NR2E3: variants seen among roughly 807,000 people sequenced by gnomAD.
The protein encoded by NR2E3 is photoreceptor-specific nuclear receptor.
Under a neutral mutation model 37.6 loss-of-function variants are expected in NR2E3, and 38 were observed. The ratio of observed to expected loss-of-function variants is 1.01; its 90% CI spans 0.78 to 1.33. The LOEUF (loss-of-function observed/expected upper bound fraction) is 1.33. Among genes scored for constraint, NR2E3 ranks in the 40% most tolerant of loss-of-function variants. The pLI, the probability that NR2E3 is intolerant of heterozygous loss-of-function variation, is 0.00. For synonymous variants in NR2E3, 235 were observed against 225.1 expected (o/e 1.04, Z -0.39); for missense variants, 562 against 558.7 (o/e 1.01, Z -0.06).
In NR2E3 at chr15:71,813,181, G is replaced by A. The variant is rs2054199792; in HGVS notation, c.748-208G>A. Reference sequence around the variant, plus strand: ...CCTAAATGTCCCAGCTGCAGCTCTGGATGGAACCCAGTGTCTCAGATGATA... The same window carrying A: ...CCTAAATGTCCCAGCTGCAGCTCTGAATGGAACCCAGTGTCTCAGATGATA... On this transcript the variant is annotated intron_variant, in intron 5 of 7. Transcript: ENST00000617575. This position sits in a 1 kb window ranked among gnomAD's most constrained non-coding sequence, Gnocchi z 4.7. Among the ~76,000 whole-genome samples, 1 of 152,216 alleles carries A rather than the reference G, an allele frequency of 6.6e-6. No homozygotes were observed. Among genetic ancestry groups the A allele is most frequent in the Non-Finnish European group, 1.5e-5 (1 of 68,040 alleles).
rs368627488 is a variant in NR2E3, at chr15:71,811,497, C to T, written c.133C>T (p.Leu45Phe). 1.5e-5 allele frequency: 23 copies of T among 1,560,680 alleles called. No individual in the cohort carries two copies. The African/African-American group carries it at 2.7e-4, about 18-fold the overall frequency. ...CTGCCCCTCAGGCGTGAGCCCCTCG[C>T]TCCAGTGCCGCGTGTGCGGAGACAG... ...GEDPTGVSPS[L>F]QCRVCGDSSS... Residue 45 changes from leucine (L) to phenylalanine (F), a missense_variant, in exon 2 of 8, where the codon CTC becomes TTC. Transcript: ENST00000617575. This position sits in a 1 kb window ranked among gnomAD's most constrained non-coding sequence, Gnocchi z 5.6.
At position 71,813,312 on chromosome 15, in the gene NR2E3, G is replaced by A. The variant is rs1184322577; in HGVS notation, c.748-77G>A. ...CAGCACTTCCATTCCTTGGGTGCCT[G>A]AGATGGTGGCAGAGGCTCCAGACTG... On this transcript the variant is annotated intron_variant, in intron 5 of 7. Transcript: ENST00000617575. This position sits in a 1 kb window ranked among gnomAD's most constrained non-coding sequence, Gnocchi z 4.7. 1.9e-6 allele frequency: 3 copies of A among 1,550,904 alleles called. No individual in the cohort carries two copies. Among genetic ancestry groups the A allele is most frequent in the Admixed American group, 3.8e-5 (2 of 52,460 alleles).
Position 71,812,524 on chromosome 15 carries a change from C to T in NR2E3, c.747+13C>T, listed in dbSNP as rs1467638693. 1 of 1,595,380 alleles carries T rather than the reference C, an allele frequency of 6.3e-7. No individual in the cohort carries two copies. ...CTTCCGGGATCAGGTACCTACCGGCCTGCCTGCTGGGGAGCTAGGCTGGGC... is the reference window on the plus strand; with the variant it reads ...CTTCCGGGATCAGGTACCTACCGGCTTGCCTGCTGGGGAGCTAGGCTGGGC... On this transcript the variant is annotated intron_variant, in intron 5 of 7. Transcript: ENST00000617575.
At position 71,817,575 on chromosome 15, in the gene NR2E3, T is replaced by C; in HGVS notation, c.1124T>C (p.Leu375Pro). ...AGGTTTGGGAAATTGCTCCTGCTCC[T>C]CCCGTCTTTGAGGTTTATCACTGCG... is the stretch of plus-strand genomic sequence containing the variant. ...PVRFGKLLLLLPSLRFITAER... is the reference protein window; with the variant it reads ...PVRFGKLLLLPPSLRFITAER... Residue 375 changes from leucine (L) to proline (P), a missense_variant, in exon 8 of 8, where the codon CTC becomes CCC. Leu to Pro is a moderately conservative substitution (Grantham distance 98). Transcript: ENST00000617575. 6.3e-7 allele frequency: 1 copy of C among 1,599,940 alleles called. No homozygotes were observed. The highest frequency in any genetic ancestry group is 8.6e-7 in the Non-Finnish European group (1 of 1,168,516).
At chr15:71,814,861 C>T in intron 7 of NR2E3, 2 of 985,476 alleles carry the variant, frequency 2.0e-6, no homozygotes, top group Non-Finnish European at 2.4e-6. Context: ...AAGGGAGACT[C>T]TAGGAGTTGA....
In NR2E3 at chr15:71,812,409, C is replaced by T. The variant is rs375133059; in HGVS notation, c.645C>T (p.Cys215=). ...CTCCATACTCCTCTTCCTCCCCCTG[C>T]GGCCTGGACAGCATCCATGAGACCT... is the stretch of plus-strand genomic sequence containing the variant. ...PSSPYSSSSP[C]GLDSIHETSA... is the part of the protein sequence containing the mutation. The change falls in exon 5 of 8, where the codon TGC becomes TGT. Residue 215 remains cysteine (C), a synonymous_variant. Transcript: ENST00000617575. 1.1e-4 allele frequency: 180 copies of T among 1,613,876 alleles called. No individual in the cohort carries two copies. Among genetic ancestry groups the T allele is most frequent in the Middle Eastern group, 1.6e-4 (1 of 6,084 alleles).
intron 7 of NR2E3, among the ~76,000 whole-genome samples, chr15:71,816,880 TAAGTC>T (rs562785049): frequency 5.4e-4 from 82 of 152,296 alleles, no homozygotes; most frequent in African/African-American, 1.8e-3. Flanking sequence ...TAACCCATCT[TAAGTC>T]AAGGAGCATA....
rs1049248530 is a variant in NR2E3 at position 71,817,647 on chromosome 15, C to T, written c.1196C>T (p.Pro399Leu). The T allele has an allele frequency of 9.3e-6, 15 of 1,607,642 alleles. No individual in the cohort carries two copies. Among genetic ancestry groups the T allele is most frequent in the Non-Finnish European group, 1.2e-5 (14 of 1,174,656 alleles). ...LFFRKTIGNT[P>L]MEKLLCDMFK... is the part of the protein sequence containing the mutation. The stretch of plus-strand genomic sequence containing the variant: ...TTCCGCAAGACCATAGGGAATACTC[C>T]AATGGAGAAGCTCCTTTGTGATATG... The change falls in exon 8 of 8, where the codon CCA (proline) becomes CTA (leucine). Residue 399 changes from proline to leucine, a missense_variant. Coordinates refer to ENST00000617575, the MANE Select transcript of NR2E3 (RefSeq NM_014249.4).
chr15:71,810,790 C>T lies in NR2E3; in HGVS notation c.47C>T (p.Ala16Val), dbSNP rs1239436868. ...CTGATGAGCTCCACAGTGGCTGCAG[C>T]TGCGCCTGCAGCTGGGGCTGCCTCC... Reference protein sequence around the residue: ...TALMSSTVAAAAPAAGAASRK... With the variant: ...TALMSSTVAAVAPAAGAASRK... Residue 16 changes from alanine to valine, a missense_variant, in exon 1 of 8, where the codon GCT becomes GTT. Coordinates refer to ENST00000617575, the MANE Select transcript of NR2E3 (RefSeq NM_014249.4). 10 of 1,576,442 alleles carry T rather than the reference C, an allele frequency of 6.3e-6. No homozygotes were observed. In the South Asian group the frequency reaches 1.0e-4, roughly 17 times the overall value.
Position 71,811,341 on chromosome 15 carries a change from TG to T in NR2E3, c.119-140del, listed in dbSNP as rs773125638. On this transcript the variant is annotated intron_variant, in intron 1 of 7. Coordinates refer to ENST00000617575, the MANE Select transcript of NR2E3 (RefSeq NM_014249.4). The surrounding 1 kb of genome is among the most constrained non-coding windows in gnomAD (Gnocchi z 5.6). ...ACAGTGAGGGAGACACTTCTCCAGA[TG>T]GAAGAGTCACGCGTGGGTTCGTTCA... 698 of 705,600 alleles carry T rather than the reference TG, an allele frequency of 9.9e-4. 6 individuals are homozygous for T. The highest frequency in any genetic ancestry group is 4.0e-4 in the Non-Finnish European group (168 of 424,266). 43.7% of individuals were successfully genotyped at this position (705,600 alleles called of 1,614,324 possible). A position where few individuals can be genotyped will look rare whatever the true frequency, so the allele number is the denominator to read the frequency against.
chr15:71,814,996 T>G, intron 7 of NR2E3: 2 of 773,482 alleles, frequency 2.6e-6, no homozygotes, highest in Non-Finnish European at 3.1e-6. Flanking sequence ...GGGAAGATGA[T>G]AAGGTGTTTT....
rs547545541 is a variant in NR2E3 at position 71,813,082 on chromosome 15, T to A, written c.748-307T>A. 1.3e-5 allele frequency among the ~76,000 whole-genome samples: 2 copies of A among 152,184 alleles called. No individual in the cohort carries two copies. Among genetic ancestry groups the A allele is most frequent in the South Asian group, 4.1e-4 (2 of 4,824 alleles). On this transcript the variant is annotated intron_variant, in intron 5 of 7. Coordinates refer to ENST00000617575, the MANE Select transcript of NR2E3 (RefSeq NM_014249.4). The surrounding 1 kb of genome is among the most constrained non-coding windows in gnomAD (Gnocchi z 4.7). The stretch of plus-strand genomic sequence containing the variant: ...ACTCAGAAGAGTCAGGCCACACCAC[T>A]TGAATACACTCAACTTAGGACACTC...
chr15:71,817,094 CTTTTTTCTTTTTTTT>C (rs2054232382), intron 7 of NR2E3, among the ~76,000 whole-genome samples: 1 of 136,920 alleles, frequency 7.3e-6, no homozygotes, highest in Admixed American at 7.3e-5. Context: ...TGCGGCTTTT[CTTTTTTCTTTTTTTT>C]TTTTTTTGAG....
intron 5 of NR2E3, 137 bp downstream of exon 5, chr15:71,812,648 C>T (rs754489199): frequency 1.3e-6 from 1 of 764,720 alleles, no homozygotes; most frequent in Non-Finnish European, 2.0e-6. Context: ...TGGGGACACA[C>T]ATACCTCTGA....
At position 71,811,810 on chromosome 15, in the gene NR2E3, G is replaced by T; in HGVS notation, c.290G>T (p.Arg97Leu). Residue 97 changes from arginine to leucine, a missense_variant, in exon 3 of 8, where the codon CGC (arginine) becomes CTC (leucine). Coordinates refer to ENST00000617575, the MANE Select transcript of NR2E3 (RefSeq NM_014249.4). The surrounding 1 kb of genome is among the most constrained non-coding windows in gnomAD (Gnocchi z 5.6). Reference protein sequence around the residue: ...AGMCPVDKAHRNQCQACRLKK... With the variant: ...AGMCPVDKAHLNQCQACRLKK... ...ATGTGCCCCGTGGACAAGGCCCACC[G>T]CAACCAGTGCCAGGCCTGCCGGCTG... 6.4e-7 allele frequency: 1 copy of T among 1,551,380 alleles called. No homozygotes were observed. The highest frequency in any genetic ancestry group is 8.7e-7 in the Non-Finnish European group (1 of 1,147,028).
intron 7 of NR2E3, 194 bp downstream of exon 7, chr15:71,814,311 G>A: frequency 7.2e-7 from 1 of 1,383,298 alleles, no homozygotes; most frequent in Non-Finnish European, 9.3e-7. Flanking sequence ...ATAAGACAAA[G>A]CTACTGCCTT....
chr15:71,810,898 C>T (rs1172790363), intron 1 of NR2E3, 37 bp downstream of exon 1: 2 of 1,514,732 alleles, frequency 1.3e-6, no homozygotes, highest in Non-Finnish European at 8.9e-7. Context: ...GGGTCTGGGC[C>T]CTTGGGGAGC....
rs771110090 is a variant in NR2E3 at position 71,817,701 on chromosome 15, A to G, written c.*17A>G. ...AAAAACTAGTGGGGGTGGAGGTGAAATGTTTCCAAGCACTCTGGAAAACAA... is the reference window on the plus strand; with the variant it reads ...AAAAACTAGTGGGGGTGGAGGTGAAGTGTTTCCAAGCACTCTGGAAAACAA... On this transcript the variant is annotated 3_prime_UTR_variant, in exon 8 of 8. Transcript: ENST00000617575. 2.5e-6 allele frequency: 4 copies of G among 1,582,782 alleles called. No homozygotes were observed. The highest frequency in any genetic ancestry group is 1.1e-5 in the South Asian group (1 of 89,456).
Position 71,812,117 on chromosome 15 carries a change from A to T in NR2E3, c.512A>T (p.His171Leu), listed in dbSNP as rs1157070337. The T allele has an allele frequency of 6.4e-7, 1 of 1,558,804 alleles. No individual in the cohort carries two copies. Among genetic ancestry groups the T allele is most frequent in the Non-Finnish European group, 8.7e-7 (1 of 1,151,672 alleles). Residue 171 changes from histidine to leucine, a missense_variant, in exon 4 of 8, where the codon CAC becomes CTC. His to Leu is a moderately conservative substitution (Grantham distance 99). Coordinates refer to ENST00000617575, the MANE Select transcript of NR2E3 (RefSeq NM_014249.4). ...TPMSAARALG[H>L]HFMASLITAE... ...ATGTCTGCAGCCAGAGCCCTGGGCC[A>T]CCACTTCATGGCCAGCCTTATAACA...
Sources: allele counts gnomAD v4.1 joint callset (sites outside exome capture counted in the v4.1 genomes callset), GRCh38; gene constraint gnomAD v4.1.1; non-coding constraint Gnocchi (gnomAD v3.1); transcripts MANE v1.5; gene names NCBI Gene and HGNC (gene_info 2026-07-23, HGNC 2026-07-21).